The following SLIT1 variants were observed in gnomAD, a reference collection of about 807,000 sequenced individuals.
The protein encoded by SLIT1 is slit homolog 1 protein.
SLIT1 carries 66 observed loss-of-function variants against 186.1 expected under a neutral mutation model. That is an observed-to-expected ratio of 0.35 (90% CI 0.29 to 0.44). The LOEUF (loss-of-function observed/expected upper bound fraction) is 0.44, where lower values mean the gene tolerates loss of function less well. SLIT1 is among the 20% of genes least tolerant of loss of function. The pLI, the probability that SLIT1 is intolerant of heterozygous loss-of-function variation, is 1.00. For missense variants in SLIT1, 1,638 were observed against 2,037.4 expected (o/e 0.80, Z 3.77); for synonymous variants, 761 against 833.8 (o/e 0.91, Z 1.50).
chr10:97,108,886 C>CAAAAAA (rs11355026), intron 4 of SLIT1, among the ~76,000 whole-genome samples: 3 of 46,770 alleles, frequency 6.4e-5, no homozygotes, highest in African/African-American at 1.8e-4. Context: ...GTCTCAGTCT[C>CAAAAAA]AAAAAAAAAA....
chr10:97,001,001 A>G lies in SLIT1; in HGVS notation c.*111T>C, dbSNP rs1848301729. 3.6e-6 allele frequency: 3 copies of G among 832,914 alleles called. No individual in the cohort carries two copies. The highest frequency in any genetic ancestry group is 5.7e-6 in the Non-Finnish European group (3 of 528,974). The allele number at this position is 832,914 out of a possible 1,614,324, so 51.6% of individuals were successfully genotyped here. On this transcript the variant is annotated 3_prime_UTR_variant, in exon 37 of 37. Transcript: ENST00000266058. Reference sequence around the variant, plus strand: ...CCCACCCAGGAGGGCCCAGCTGCCCAGGAGCCGTCCTGTGATGACCTGCAC... The same window carrying G: ...CCCACCCAGGAGGGCCCAGCTGCCCGGGAGCCGTCCTGTGATGACCTGCAC...
chr10:97,066,956 G>A (rs182277944), intron 4 of SLIT1, among the ~76,000 whole-genome samples: 1 of 148,036 alleles, frequency 6.8e-6, no homozygotes, highest in African/African-American at 2.6e-5. Context: ...TGGGCTGGCT[G>A]TGGTGGGTGC....
chr10:97,026,507 G>A (rs111934427), intron 25 of SLIT1, among the ~76,000 whole-genome samples: 2,516 of 148,322 alleles, frequency 0.017, 72 homozygotes, highest in African/African-American at 0.061. Context: ...TAAATGTGTT[G>A]TCTTTATCAT....
chr10:97,140,455 G>A (rs950491477), intron 4 of SLIT1, among the ~76,000 whole-genome samples: 1 of 152,178 alleles, frequency 6.6e-6, no homozygotes, highest in Non-Finnish European at 1.5e-5. Context: ...ACCCGCCAAA[G>A]GGAATTCTCC....
At chr10:97,024,863 C>A (rs897278217) in intron 25 of SLIT1, among the ~76,000 whole-genome samples, 2 of 152,184 alleles carry the variant, frequency 1.3e-5, no homozygotes, top group Admixed American at 6.5e-5. Context: ...AAGATGAAAT[C>A]TGAGGCCCTG....
chr10:97,157,856 C>T lies in SLIT1; in HGVS notation c.375G>A (p.Pro125=), dbSNP rs200457570. The T allele has an allele frequency of 1.4e-5, 23 of 1,613,792 alleles. No individual in the cohort carries two copies. The highest frequency in any genetic ancestry group is 1.6e-4 in the Middle Eastern group (1 of 6,084). ...RLNRNQLHML[P]ELLFQNNQAL... The stretch of plus-strand genomic sequence containing the variant: ...CCTGGTTGTTCTGGAACAGCAGTTC[C>T]GGTAACATGTGCAGCTGGTTTCGGT... Residue 125 remains proline (P), a synonymous_variant, in exon 4 of 37, where the codon CCG becomes CCA. Coordinates refer to ENST00000266058, the MANE Select transcript of SLIT1 (RefSeq NM_003061.3).
At position 97,002,270 on chromosome 10, in the gene SLIT1, C is replaced by A. The variant is rs906782883; in HGVS notation, c.4254G>T (p.Leu1418=). 6.2e-7 allele frequency: 1 copy of A among 1,607,226 alleles called. No individual in the cohort carries two copies. The highest frequency in any genetic ancestry group is 1.3e-5 in the African/African-American group (1 of 74,856). ...SGALCNQAGA[L]AEPCRGLQCL... ...ACTGCAGGCCTCTGCAGGGCTCTGCCAGGGCCCCGGCCTGGTTGCACAGTG... is the reference window on the plus strand; with the variant it reads ...ACTGCAGGCCTCTGCAGGGCTCTGCAAGGGCCCCGGCCTGGTTGCACAGTG... The change falls in exon 36 of 37, where the codon CTG becomes CTT. Residue 1418 remains leucine (L), a synonymous_variant. Transcript: ENST00000266058.
chr10:97,136,233 G>T (rs1490197354), intron 4 of SLIT1, among the ~76,000 whole-genome samples: 1 of 152,240 alleles, frequency 6.6e-6, no homozygotes, highest in East Asian at 1.9e-4. Flanking sequence ...CACTCTGCTG[G>T]GGGAGGCTGT....
In SLIT1 at chr10:97,046,684, A is replaced by G; in HGVS notation, c.1823T>C (p.Met608Thr). 3 of 1,610,654 alleles carry G rather than the reference A, an allele frequency of 1.9e-6. No individual in the cohort carries two copies. The highest frequency in any genetic ancestry group is 2.5e-6 in the Non-Finnish European group (3 of 1,179,996). The change falls in exon 18 of 37, where the codon ATG becomes ACG. Residue 608 changes from methionine (M) to threonine (T), a missense_variant. Coordinates refer to ENST00000266058, the MANE Select transcript of SLIT1 (RefSeq NM_003061.3). Reference sequence around the variant, plus strand: ...CCTCAAGCCATCCAGACCCCGGAACATGCCGCTCCGGATGGACTCCAGCTG... The same window carrying G: ...CCTCAAGCCATCCAGACCCCGGAACGTGCCGCTCCGGATGGACTCCAGCTG... ...ANQLESIRSG[M>T]FRGLDGLRTL...
At chr10:97,128,205 C>CTACA (rs1849621279) in intron 4 of SLIT1, among the ~76,000 whole-genome samples, 1 of 152,174 alleles carries the variant, frequency 6.6e-6, no homozygotes, top group Non-Finnish European at 1.5e-5. Context: ...CACCAGAACT[C>CTACA]TACAGTCCCA....
intron 13 of SLIT1, among the ~76,000 whole-genome samples, chr10:97,053,413 G>C (rs546076379): frequency 8.1e-4 from 123 of 152,248 alleles, no homozygotes; most frequent in South Asian, 3.7e-3. Context: ...GAGGAGTTGG[G>C]CTGCAGGCAA....
intron 31 of SLIT1, among the ~76,000 whole-genome samples, chr10:97,009,339 A>G (rs755612463): frequency 1.3e-5 from 2 of 152,230 alleles, no homozygotes; most frequent in African/African-American, 2.4e-5. Flanking sequence ...ATATCCTTAC[A>G]TTTAAAGTTA....
intron 10 of SLIT1, 34 bp downstream of exon 10, chr10:97,060,053 A>G (rs761104354): frequency 6.4e-7 from 1 of 1,565,886 alleles, no homozygotes; most frequent in Non-Finnish European, 8.8e-7. Context: ...TCAGCCCTGT[A>G]CCAGCTCCCC....
chr10:97,179,800 T>TCCCCCCCCCCCCCCCCCCCC (rs150754287), intron 1 of SLIT1, among the ~76,000 whole-genome samples: 1 of 126,380 alleles, frequency 7.9e-6, no homozygotes, highest in Non-Finnish European at 1.8e-5. Flanking sequence ...CTCCACACCC[T>TCCCCCCCCCCCCCCCCCCCC]CCCCGCCCCC....
At chr10:97,084,579 C>A (rs1275328653) in intron 4 of SLIT1, among the ~76,000 whole-genome samples, 2 of 135,898 alleles carry the variant, frequency 1.5e-5, no homozygotes, top group African/African-American at 5.3e-5. Context: ...CTTTCCTTTT[C>A]TTTTATTTTC....
In SLIT1 at chr10:97,056,404, G is replaced by A. The variant is rs140318117; in HGVS notation, c.1218C>T (p.Asn406=). The A allele has an allele frequency of 4.4e-3, 7,070 of 1,614,196 alleles. 29 individuals carry two copies. The highest frequency in any genetic ancestry group is 5.5e-3 in the Non-Finnish European group (6,468 of 1,180,004). Residue 406 remains asparagine (N), a synonymous_variant, in exon 13 of 37, where the codon AAC becomes AAT. Coordinates refer to ENST00000266058, the MANE Select transcript of SLIT1 (RefSeq NM_003061.3). Reference sequence around the variant, plus strand: ...TGTCATACAGGGAGAGCAGTGAGAGGTTCTGCAGGTCCTGGAAGGCATCGG... The same window carrying A: ...TGTCATACAGGGAGAGCAGTGAGAGATTCTGCAGGTCCTGGAAGGCATCGG... ...IRPDAFQDLQ[N]LSLLSLYDNK... is the part of the protein sequence containing the mutation.
At chr10:97,141,656 TGTATTGCATTGCATTGTATC>T (rs1849759216) in intron 4 of SLIT1, among the ~76,000 whole-genome samples, 2 of 148,102 alleles carry the variant, frequency 1.4e-5, no homozygotes, top group South Asian at 4.4e-4. Flanking sequence ...TGCATTGTAT[TGTATTGCATTGCATTGTATC>T]GTATTGTATC....
chr10:97,087,920 G>A (rs924577370), intron 4 of SLIT1, among the ~76,000 whole-genome samples: 1 of 152,138 alleles, frequency 6.6e-6, no homozygotes, highest in African/African-American at 2.4e-5. Context: ...CTAAGAAAAT[G>A]TGCTGTACCA....
chr10:97,060,173 G>C lies in SLIT1; in HGVS notation c.942-15C>G. 1 of 1,612,132 alleles carries C rather than the reference G, an allele frequency of 6.2e-7. No individual in the cohort carries two copies. The highest frequency in any genetic ancestry group is 8.5e-7 in the Non-Finnish European group (1 of 1,178,222). ...GCTCCAGGCGTCTGCGGGGAGAAAA[G>C]AGAGGGGAAGCCCAAGGGCCCAGGT... On this transcript the variant is annotated splice_polypyrimidine_tract_variant and intron_variant, in intron 9 of 36. Transcript: ENST00000266058.
Sources: allele counts gnomAD v4.1 joint callset (sites outside exome capture counted in the v4.1 genomes callset), GRCh38; gene constraint gnomAD v4.1.1; transcripts MANE v1.5; gene names NCBI Gene and HGNC (gene_info 2026-07-23, HGNC 2026-07-21).